Variants in DMXL1 observed in about 807,000 individuals in gnomAD.
The protein encoded by DMXL1 is dmX-like protein 1.
In DMXL1, 99 loss-of-function variants were observed where a neutral mutation model predicts 319.2. That is an observed-to-expected ratio of 0.31 (90% confidence interval 0.26 to 0.37). The LOEUF is 0.37. Among genes scored for constraint, DMXL1 ranks in the 10% least tolerant of loss-of-function variants. The probability of loss-of-function intolerance (pLI) is 1.00; values close to 1 mark genes in which losing one functional copy is unlikely to be tolerated. For missense variants in DMXL1, 3,745 were observed against 3,595.6 expected (o/e 1.04, Z -1.06); for synonymous variants, 1,385 against 1,235.2 (o/e 1.12, Z -2.54).
intron 28 of DMXL1, chr5:119,178,727 G>C: frequency 3.3e-6 from 3 of 902,314 alleles, no homozygotes; most frequent in Non-Finnish European, 4.0e-6. Context: ...TTATCATTCA[G>C]CTTGCTTTGT....
At chr5:119,109,512 G>A (rs1049179472) in intron 4 of DMXL1, among the ~76,000 whole-genome samples, 1 of 152,122 alleles carries the variant, frequency 6.6e-6, no homozygotes, top group Admixed American at 6.5e-5. Context: ...ACTCTTCACA[G>A]TCTCACCTTG....
intron 21 of DMXL1, among the ~76,000 whole-genome samples, chr5:119,166,018 A>C (rs552566022): frequency 2.4e-4 from 36 of 152,246 alleles, no homozygotes; most frequent in African/African-American, 8.2e-4. Flanking sequence ...CCACAAAACT[A>C]TCTCCTTCCT....
chr5:119,117,558 G>A (rs1447565967), intron 7 of DMXL1, among the ~76,000 whole-genome samples: 1 of 152,082 alleles, frequency 6.6e-6, no homozygotes, highest in Non-Finnish European at 1.5e-5. Context: ...GTTGGGGAAG[G>A]AAAGGAAAAA....
intron 1 of DMXL1, among the ~76,000 whole-genome samples, chr5:119,072,359 G>T (rs1363009414): frequency 6.6e-6 from 1 of 151,592 alleles, no homozygotes; most frequent in East Asian, 1.9e-4. Context: ...CTTAACTATA[G>T]GTTTTTTTTT....
At chr5:119,181,746 A>T (rs1248345623) in intron 28 of DMXL1, among the ~76,000 whole-genome samples, 1 of 152,154 alleles carries the variant, frequency 6.6e-6, no homozygotes, top group African/African-American at 2.4e-5. Context: ...TGGGAGGTGG[A>T]GGTTGCAGTG....
chr5:119,236,202 TAAC>T (rs1481737142), intron 39 of DMXL1: 1 of 152,058 alleles, frequency 6.6e-6, no homozygotes, highest in Non-Finnish European at 1.5e-5. Context: ...TGCATAAAAT[TAAC>T]AAGTATTTTA....
intron 19 of DMXL1, among the ~76,000 whole-genome samples, chr5:119,158,768 A>G (rs556620515): frequency 2.0e-5 from 3 of 152,310 alleles, no homozygotes; most frequent in African/African-American, 4.8e-5. Context: ...AATTTTGTTA[A>G]TATGAACAGA....
intron 1 of DMXL1, 52 bp from the exon 2 acceptor site, chr5:119,097,927 T>C: frequency 6.9e-7 from 1 of 1,452,728 alleles, no homozygotes. Flanking sequence ...GTATTCTACA[T>C]GGTAAATGTT....
chr5:119,226,160 T>C (rs778417635), intron 38 of DMXL1, among the ~76,000 whole-genome samples: 1 of 152,142 alleles, frequency 6.6e-6, no homozygotes, highest in Non-Finnish European at 1.5e-5. Context: ...TAGCATCAAT[T>C]ACTGCTGTCT....
intron 27 of DMXL1, 144 bp from the exon 28 acceptor site, chr5:119,177,852 C>G: frequency 3.0e-6 from 2 of 670,088 alleles, no homozygotes; most frequent in African/African-American, 1.8e-5. Context: ...ATAATAACCG[C>G]TACTAGTCTG....
Position 119,089,999 on chromosome 5 carries a change from C to CTTTTTTTTTTTTTTTTTTTTTTTTTT in DMXL1, c.88-7967_88-7942dup, listed in dbSNP as rs70982467. 8.7e-5 allele frequency among the ~76,000 whole-genome samples: 3 copies of CTTTTTTTTTTTTTTTTTTTTTTTTTT among 34,402 alleles called. 1 individual carries two copies. The highest frequency in any genetic ancestry group is 1.1e-4 in the Non-Finnish European group (2 of 18,760). 22.6% of individuals were successfully genotyped at this position (34,402 alleles called of 152,430 possible). ...TGATTATTTTATGCTTCGGGTTAGT[C>CTTTTTTTTTTTTTTTTTTTTTTTTTT]TTTTTTTTTTTTTTTTTTTTTTTTT... On this transcript the variant is annotated intron_variant, in intron 1 of 43. Coordinates refer to ENST00000539542, the MANE Select transcript of DMXL1 (RefSeq NM_001290321.3).
At chr5:119,104,776 T>C (rs1757972249) in intron 3 of DMXL1, among the ~76,000 whole-genome samples, 1 of 152,204 alleles carries the variant, frequency 6.6e-6, no homozygotes, top group Admixed American at 6.5e-5. Flanking sequence ...ATGTTACATC[T>C]TTTATTCTGA....
intron 1 of DMXL1, among the ~76,000 whole-genome samples, chr5:119,076,969 G>C (rs1237797019): frequency 1.3e-5 from 2 of 152,018 alleles, no homozygotes; most frequent in Non-Finnish European, 2.9e-5. Flanking sequence ...TAATTTTATT[G>C]GTTAGTAATA....
chr5:119,196,058 A>G (rs1380741805), intron 30 of DMXL1, among the ~76,000 whole-genome samples: 1 of 152,146 alleles, frequency 6.6e-6, no homozygotes, highest in African/African-American at 2.4e-5. Context: ...ATTTATTACT[A>G]CATACCGAAA....
Position 119,132,359 on chromosome 5 carries a change from G to T in DMXL1, c.1316-773G>T, listed in dbSNP as rs561723075. Among the ~76,000 whole-genome samples the T allele has an allele frequency of 2.6e-5, 4 of 152,214 alleles. No homozygotes were observed. In the South Asian group the frequency reaches 6.2e-4, roughly 24 times the overall value. ...TTTGTGTTGTTATAATGAAGATAAG[G>T]TGCATATACCACTGTCAGATTAAGA... On this transcript the variant is annotated intron_variant, in intron 10 of 43. Transcript: ENST00000539542.
Position 119,149,928 on chromosome 5 carries a change from T to C in DMXL1, c.4101T>C (p.His1367=). ...CTCTGAATGAAGCTGAATCTAATCA[T>C]GAACGCCGCCTTAGGTCTCTCACAA... The part of the protein sequence containing the change: ...VVALNEAESN[H]ERRLRSLTIS... Residue 1367 remains histidine, a synonymous_variant, in exon 18 of 44, where the codon CAT becomes CAC. Coordinates refer to ENST00000539542, the MANE Select transcript of DMXL1 (RefSeq NM_001290321.3). The C allele has an allele frequency of 1.2e-6, 2 of 1,613,920 alleles. No homozygotes were observed. Among genetic ancestry groups the C allele is most frequent in the Non-Finnish European group, 8.5e-7 (1 of 1,179,930 alleles).
At chr5:119,104,218 A>G (rs1757864566) in intron 3 of DMXL1, 1 of 152,196 alleles carries the variant, frequency 6.6e-6, no homozygotes, top group African/African-American at 2.4e-5. Flanking sequence ...GAATTTCTAC[A>G]TCTGTAGCTG....
chr5:119,214,679 A>T (rs536317882), intron 34 of DMXL1, among the ~76,000 whole-genome samples: 63 of 145,492 alleles, frequency 4.3e-4, no homozygotes, highest in Non-Finnish European at 7.7e-4. Flanking sequence ...ATTTGTATTT[A>T]AAAAAAAATC....
At chr5:119,152,092 T>C (rs1769927741) in intron 19 of DMXL1, 56 bp downstream of exon 19, 2 of 1,216,852 alleles carry the variant, frequency 1.6e-6, no homozygotes, top group Non-Finnish European at 2.3e-6. Flanking sequence ...AATGAGAGAC[T>C]TGGGAGTTTT....
Sources: gnomAD v4.1 joint callset for allele counts (sites outside exome capture counted in the v4.1 genomes callset) on GRCh38, gnomAD v4.1.1 for gene constraint, MANE v1.5 for transcripts, NCBI Gene and HGNC (gene_info 2026-07-23, HGNC 2026-07-21) for gene names.